Variants in TTLL7 observed in about 807,000 individuals in gnomAD.
TTLL7 encodes the protein tubulin tyrosine ligase like 7.
Under a neutral mutation model 120.2 loss-of-function variants are expected in TTLL7, and 53 were observed. The observed-to-expected ratio is 0.44, with a 90% CI of 0.35 to 0.55. TTLL7 has a LOEUF of 0.55. Among genes scored for constraint, TTLL7 ranks in the 20% least tolerant of loss-of-function variants. The pLI, the probability that TTLL7 is intolerant of heterozygous loss-of-function variation, is 0.00. For missense variants in TTLL7, 803 were observed against 1,054.7 expected (o/e 0.76, Z 3.31); for synonymous variants, 353 against 351.7 (o/e 1.00, Z -0.04).
Position 83,921,400 on chromosome 1 carries a change from A to G in TTLL7, c.1143-6T>C. 1 of 1,610,074 alleles carries G rather than the reference A, an allele frequency of 6.2e-7. No individual in the cohort carries two copies. The highest frequency in any genetic ancestry group is 8.5e-7 in the Non-Finnish European group (1 of 1,179,316). Reference sequence around the variant, plus strand: ...TTCTTCTTTTGTCACTGGTCCTAAAATATAAAACATAAGACCATATTCTAG... The same window carrying G: ...TTCTTCTTTTGTCACTGGTCCTAAAGTATAAAACATAAGACCATATTCTAG... On this transcript the variant is annotated splice_polypyrimidine_tract_variant and splice_region_variant and intron_variant, in intron 10 of 20. Transcript: ENST00000260505.
At chr1:83,905,522 GA>G (rs67769350) in intron 17 of TTLL7, among the ~76,000 whole-genome samples, 35,915 of 144,170 alleles carry the variant, frequency 0.25, 5,256 homozygotes, top group Admixed American at 0.34. Context: ...TCTCCTCTGG[GA>G]AAAAAAAACA....
intron 3 of TTLL7, among the ~76,000 whole-genome samples, chr1:83,951,131 C>T (rs148955459): frequency 2.7e-4 from 41 of 152,198 alleles, no homozygotes; most frequent in Middle Eastern, 3.4e-3. Flanking sequence ...GGGCGGATAA[C>T]GAGGTCAGGA....
At chr1:83,958,469 A>G (rs1025492539) in intron 1 of TTLL7, among the ~76,000 whole-genome samples, 2 of 152,224 alleles carry the variant, frequency 1.3e-5, no homozygotes, top group African/African-American at 4.8e-5. Context: ...TTATTTGCAG[A>G]GAGGTCATTA....
intron 1 of TTLL7, among the ~76,000 whole-genome samples, chr1:83,991,911 C>A (rs1653037788): frequency 6.6e-6 from 1 of 152,012 alleles, no homozygotes; most frequent in South Asian, 2.1e-4. Context: ...TATTCTAAGT[C>A]CTTGTAGGTT....
intron 18 of TTLL7, among the ~76,000 whole-genome samples, chr1:83,899,211 C>T (rs972593864): frequency 1.3e-5 from 2 of 151,916 alleles, no homozygotes; most frequent in African/African-American, 2.4e-5. Flanking sequence ...CTGCTGAAAG[C>T]TGTCCTCTGC....
At chr1:83,878,477 A>G (rs190852646) in intron 20 of TTLL7, among the ~76,000 whole-genome samples, 35 of 152,036 alleles carry the variant, frequency 2.3e-4, no homozygotes, top group African/African-American at 8.4e-4. Flanking sequence ...AGTGTTGACA[A>G]CAGCCAGCAT....
At chr1:83,891,818 T>C (rs1444751376) in intron 18 of TTLL7, among the ~76,000 whole-genome samples, 3 of 101,902 alleles carry the variant, frequency 2.9e-5, no homozygotes, top group African/African-American at 1.2e-4. Context: ...CTAGAGACTA[T>C]ATATACCATG....
At chr1:83,982,173 T>C (rs142578598) in intron 1 of TTLL7, among the ~76,000 whole-genome samples, 1 of 152,292 alleles carries the variant, frequency 6.6e-6, no homozygotes, top group East Asian at 1.9e-4. Context: ...AAACAATACA[T>C]TTCTAAATAG....
intron 19 of TTLL7, among the ~76,000 whole-genome samples, chr1:83,888,503 G>C (rs555933960): frequency 3.4e-4 from 52 of 152,058 alleles, no homozygotes; most frequent in African/African-American, 1.0e-3. Flanking sequence ...ATATTTAAAT[G>C]GAGAATATTC....
intron 1 of TTLL7, among the ~76,000 whole-genome samples, chr1:83,957,492 A>G (rs1408416887): frequency 6.6e-6 from 1 of 152,202 alleles, no homozygotes; most frequent in Non-Finnish European, 1.5e-5. Flanking sequence ...AGTACAAACC[A>G]GTATCTACTT....
Position 83,921,403 on chromosome 1 carries a change from TA to T in TTLL7, c.1143-10del. 9 of 1,610,058 alleles carry T rather than the reference TA, an allele frequency of 5.6e-6. No homozygotes were observed. Among genetic ancestry groups the T allele is most frequent in the Non-Finnish European group, 5.9e-6 (7 of 1,179,296 alleles). ...TTCTTTTGTCACTGGTCCTAAAATA[TA>T]AAACATAAGACCATATTCTAGAACT... is the stretch of plus-strand genomic sequence containing the variant. On this transcript the variant is annotated splice_polypyrimidine_tract_variant and intron_variant, in intron 10 of 20. Transcript: ENST00000260505.
chr1:83,935,029 G>A (rs1410768045), intron 8 of TTLL7, among the ~76,000 whole-genome samples: 1 of 152,042 alleles, frequency 6.6e-6, no homozygotes. Context: ...GGTGATAAAA[G>A]GGAAGACAGA....
chr1:83,941,170 C>G (rs947143688), intron 7 of TTLL7, among the ~76,000 whole-genome samples: 1 of 152,194 alleles, frequency 6.6e-6, no homozygotes, highest in Non-Finnish European at 1.5e-5. Flanking sequence ...CCTCTCTAAC[C>G]TTTATCTCCA....
At chr1:83,988,367 G>A (rs937055464) in intron 1 of TTLL7, among the ~76,000 whole-genome samples, 20 of 152,110 alleles carry the variant, frequency 1.3e-4, no homozygotes, top group African/African-American at 4.8e-4. Context: ...TATCTTTTTG[G>A]TAGAACAACT....
rs758305131 is a variant in TTLL7, at chr1:83,865,477, T to G, written c.*4485A>C. 1.3e-5 allele frequency: 2 copies of G among 152,022 alleles called. No homozygotes were observed. Among genetic ancestry groups the G allele is most frequent in the African/African-American group, 2.4e-5 (1 of 41,436 alleles). 9.4% of individuals were successfully genotyped at this position (152,022 alleles called of 1,614,324 possible). A position where few individuals can be genotyped will look rare whatever the true frequency, so the allele number is the denominator to read the frequency against. On this transcript the variant is annotated 3_prime_UTR_variant, in exon 21 of 21. Coordinates refer to ENST00000260505, the MANE Select transcript of TTLL7 (RefSeq NM_024686.6). ...CCTGTAGATAATACAGCGCAGTTAA[T>G]GTAGAATGTGTAACTTGAGTAATTT...
intron 1 of TTLL7, chr1:83,979,800 C>G (rs1651797187): frequency 6.6e-6 from 1 of 152,164 alleles, no homozygotes; most frequent in African/African-American, 2.4e-5. Flanking sequence ...TCTAAGTACT[C>G]TTGGGGTAAT....
At chr1:83,973,837 T>A (rs1404170919) in intron 1 of TTLL7, among the ~76,000 whole-genome samples, 1 of 151,890 alleles carries the variant, frequency 6.6e-6, no homozygotes, top group Non-Finnish European at 1.5e-5. Context: ...AAATCTAAAG[T>A]GAAAAAGTTA....
intron 1 of TTLL7, among the ~76,000 whole-genome samples, chr1:83,983,094 G>A (rs1050159227): frequency 4.6e-5 from 7 of 152,166 alleles, no homozygotes; most frequent in Non-Finnish European, 1.0e-4. Context: ...CAGTTTGGGA[G>A]GCAAAAGCAG....
chr1:83,892,767 C>CGCATATGTGAACATATATATGAAT (rs1655797470), intron 18 of TTLL7, among the ~76,000 whole-genome samples: 1 of 149,930 alleles, frequency 6.7e-6, no homozygotes. Context: ...TATATATGAG[C>CGCATATGTGAACATATATATGAAT]GCATATGTGA....
Sources: gnomAD v4.1 joint callset for allele counts (sites outside exome capture counted in the v4.1 genomes callset) on GRCh38, gnomAD v4.1.1 for gene constraint, MANE v1.5 for transcripts, NCBI Gene and HGNC (gene_info 2026-07-23, HGNC 2026-07-21) for gene names.